The following TIAM1 variants were observed in gnomAD, a reference collection of about 807,000 sequenced individuals.
The protein encoded by TIAM1 is TIAM Rac1 associated GEF 1, also known as rho guanine nucleotide exchange factor TIAM1.
In TIAM1, 65 loss-of-function variants were observed where a neutral mutation model predicts 163.5. The ratio of observed to expected loss-of-function variants is 0.40; its 90% CI spans 0.33 to 0.49. TIAM1 has a LOEUF of 0.49. Ranked by LOEUF, TIAM1 falls within the 20% of genes least tolerant of loss-of-function variation. The pLI is 0.77. For synonymous variants in TIAM1, 833 were observed against 810.1 expected (o/e 1.03, Z -0.48); for missense variants, 1,789 against 2,044.7 (o/e 0.87, Z 2.41).
upstream of TIAM1, among the ~76,000 whole-genome samples, chr21:31,348,588 T>C (rs141345783): frequency 7.5e-4 from 114 of 152,338 alleles, 1 homozygote; most frequent in East Asian, 0.011. Flanking sequence ...CATTTTGTGG[T>C]TGACTACCAA....
intron 15 of TIAM1, among the ~76,000 whole-genome samples, chr21:31,175,851 G>A (rs949947449): frequency 2.0e-5 from 3 of 151,982 alleles, no homozygotes; most frequent in Non-Finnish European, 4.4e-5. Flanking sequence ...CACCTGCCTC[G>A]GCCTCCCAAA....
intron 3 of TIAM1, among the ~76,000 whole-genome samples, chr21:31,268,783 C>T (rs913809328): frequency 6.6e-6 from 1 of 152,192 alleles, no homozygotes; most frequent in African/African-American, 2.4e-5. Flanking sequence ...AAGAATGGTA[C>T]ATGCTACATT....
At chr21:31,143,106 G>A (rs1025655875) in intron 20 of TIAM1, among the ~76,000 whole-genome samples, 3 of 152,084 alleles carry the variant, frequency 2.0e-5, no homozygotes, top group South Asian at 2.1e-4. Context: ...CACTCTGGAC[G>A]TTTCCAGTGT....
intron 2 of TIAM1, among the ~76,000 whole-genome samples, chr21:31,417,956 A>T (rs975878211): frequency 6.6e-6 from 1 of 152,176 alleles, no homozygotes; most frequent in African/African-American, 2.4e-5. Flanking sequence ...GGGAAGGGGC[A>T]GCTCAAGTCA....
chr21:31,424,440 C>A (rs1362962938), intron 2 of TIAM1, among the ~76,000 whole-genome samples: 1 of 152,092 alleles, frequency 6.6e-6, no homozygotes, highest in African/African-American at 2.4e-5. Flanking sequence ...GTAGACGTTC[C>A]ATGGAATATT....
At chr21:31,190,055 C>CAA (rs2085479442) in intron 13 of TIAM1, among the ~76,000 whole-genome samples, 2 of 152,126 alleles carry the variant, frequency 1.3e-5, no homozygotes, top group African/African-American at 2.4e-5. Context: ...AGGAAGGGAT[C>CAA]ATGAGTGGCA....
intron 1 of TIAM1, among the ~76,000 whole-genome samples, chr21:31,515,820 C>T (rs1247508704): frequency 6.6e-6 from 1 of 152,152 alleles, no homozygotes; most frequent in African/African-American, 2.4e-5. Context: ...TTCTAAAACA[C>T]ACCAGGGACT....
chr21:31,215,458 G>A (rs1569042722), intron 9 of TIAM1, among the ~76,000 whole-genome samples: 1 of 151,626 alleles, frequency 6.6e-6, no homozygotes, highest in Non-Finnish European at 1.5e-5. Flanking sequence ...CTACTCAGGA[G>A]GTTGAGGCAA....
intron 15 of TIAM1, 49 bp downstream of exon 15, chr21:31,182,372 G>A (rs758940246): frequency 2.4e-5 from 34 of 1,428,514 alleles, no homozygotes; most frequent in South Asian, 7.8e-5. Context: ...TCCCCGGGTC[G>A]TGGCACAACG....
At chr21:31,169,549 T>A (rs185397891) in intron 15 of TIAM1, among the ~76,000 whole-genome samples, 7 of 152,246 alleles carry the variant, frequency 4.6e-5, no homozygotes, top group East Asian at 3.9e-4. Flanking sequence ...TAAAATATCA[T>A]CCACGAAGGA....
chr21:31,483,345 T>C (rs2046175531), intron 1 of TIAM1, among the ~76,000 whole-genome samples: 1 of 151,986 alleles, frequency 6.6e-6, no homozygotes, highest in Admixed American at 6.6e-5. Context: ...AAAGACAGAG[T>C]GGGTCTCGTG....
At chr21:31,258,840 A>T (rs2072278455) in intron 4 of TIAM1, among the ~76,000 whole-genome samples, 1 of 151,770 alleles carries the variant, frequency 6.6e-6, no homozygotes, top group African/African-American at 2.4e-5. Context: ...CCAGAAAGAT[A>T]TATTGAACTA....
intron 1 of TIAM1, among the ~76,000 whole-genome samples, chr21:31,477,449 C>T (rs534149079): frequency 1.5e-4 from 23 of 150,814 alleles, no homozygotes; most frequent in African/African-American, 4.1e-4. Flanking sequence ...AAATGTTCAG[C>T]GACTCAGGAA....
At chr21:31,400,007 C>T (rs1326019201) in intron 2 of TIAM1, among the ~76,000 whole-genome samples, 1 of 151,948 alleles carries the variant, frequency 6.6e-6, no homozygotes, top group Non-Finnish European at 1.5e-5. Flanking sequence ...AGAAGCCTGA[C>T]TGTCAGCTGT....
chr21:31,396,873 C>CCTGG (rs1446018596), intron 2 of TIAM1, among the ~76,000 whole-genome samples: 2 of 151,986 alleles, frequency 1.3e-5, no homozygotes, highest in Admixed American at 6.6e-5. Context: ...ATCACTTGAA[C>CCTGG]CTGGGGTGGA....
chr21:31,515,971 G>C (rs571887863), intron 1 of TIAM1, among the ~76,000 whole-genome samples: 1 of 151,600 alleles, frequency 6.6e-6, no homozygotes, highest in African/African-American at 2.4e-5. Context: ...AGCTGGGTGT[G>C]GTGGTGTGCA....
intron 15 of TIAM1, among the ~76,000 whole-genome samples, chr21:31,178,361 C>T (rs1017047573): frequency 8.0e-6 from 1 of 124,652 alleles, no homozygotes; most frequent in African/African-American, 3.0e-5. Context: ...GGCTGGAGTG[C>T]AGTGGTGTGA....
intron 23 of TIAM1, among the ~76,000 whole-genome samples, chr21:31,135,262 A>G (rs1296235381): frequency 6.6e-6 from 1 of 152,262 alleles, no homozygotes; most frequent in Non-Finnish European, 1.5e-5. Flanking sequence ...ATTATATGCT[A>G]ACCCATGTTT....
At chr21:31,471,870 A>AAATAATAATAATAATAATAATAAT (rs551501073) in intron 1 of TIAM1, among the ~76,000 whole-genome samples, 74 of 118,930 alleles carry the variant, frequency 6.2e-4, no homozygotes, top group African/African-American at 2.3e-3. Flanking sequence ...ACTCCATCTC[A>AAATAATAATAATAATAATAATAAT]AATAATAATA....
Sources: gnomAD v4.1 joint callset for allele counts (sites outside exome capture counted in the v4.1 genomes callset) on GRCh38, gnomAD v4.1.1 for gene constraint, MANE v1.5 for transcripts, NCBI Gene and HGNC (gene_info 2026-07-23, HGNC 2026-07-21) for gene names.